REDIC1: variants seen among roughly 807,000 people sequenced by gnomAD.
The protein encoded by REDIC1 is regulator of DNA class I crossover intermediates 1, also known as HEI10 Interacting Protein 1.
At chr12:39,737,361 C>T in the REDIC1 span, among the ~76,000 whole-genome samples, 3 of 152,230 alleles carry the variant, frequency 2.0e-5, no homozygotes, top group East Asian at 1.9e-4. Flanking sequence ...CACTTCATCT[C>T]CACTTCTACT....
chr12:39,840,149 A>G, the REDIC1 span, among the ~76,000 whole-genome samples: 2 of 151,982 alleles, frequency 1.3e-5, no homozygotes, highest in African/African-American at 4.8e-5. Flanking sequence ...TTCCTGCCTC[A>G]GCTTCCTGAG....
the REDIC1 span, among the ~76,000 whole-genome samples, chr12:39,681,019 C>T: frequency 0.73 from 110,538 of 151,950 alleles, 41,886 homozygotes; most frequent in Non-Finnish European, 0.84. Context: ...CACCTATAAT[C>T]CCAGCACTTT....
chr12:39,840,194 G>T, the REDIC1 span, among the ~76,000 whole-genome samples: 1 of 151,926 alleles, frequency 6.6e-6, no homozygotes. Flanking sequence ...ACCATGCCTG[G>T]CTAATTTTTG....
chr12:39,892,093 C>G, the REDIC1 span, among the ~76,000 whole-genome samples: 15 of 152,206 alleles, frequency 9.9e-5, no homozygotes, highest in African/African-American at 3.6e-4. Flanking sequence ...TACCAAAAAG[C>G]ATTCATTCTA....
At chr12:39,843,430 G>A in the REDIC1 span, among the ~76,000 whole-genome samples, 1 of 151,946 alleles carries the variant, frequency 6.6e-6, no homozygotes, top group Non-Finnish European at 1.5e-5. Context: ...ATGGCCTTTT[G>A]CAGAAAGAAT....
chr12:39,728,205 A>G, the REDIC1 span, among the ~76,000 whole-genome samples: 1 of 152,188 alleles, frequency 6.6e-6, no homozygotes, highest in South Asian at 2.1e-4. Flanking sequence ...GAGAGAGGGC[A>G]TCGTTGTCTT....
the REDIC1 span, among the ~76,000 whole-genome samples, chr12:39,630,336 TAGGG>T: frequency 1.1e-4 from 17 of 152,198 alleles, 1 homozygote; most frequent in Admixed American, 1.1e-3. Context: ...TTTTTTAAAT[TAGGG>T]AGGTTTATTT....
At chr12:39,715,347 C>A in the REDIC1 span, among the ~76,000 whole-genome samples, 1 of 151,772 alleles carries the variant, frequency 6.6e-6, no homozygotes, top group Admixed American at 6.6e-5. Flanking sequence ...GTTTCGTTTC[C>A]TTCGTTGAAG....
At chr12:39,760,854 G>A in the REDIC1 span, among the ~76,000 whole-genome samples, 1 of 150,404 alleles carries the variant, frequency 6.6e-6, no homozygotes, top group African/African-American at 2.5e-5. Context: ...ATATATGAAT[G>A]TATGACTTGT....
chr12:39,739,480 A>G, the REDIC1 span, among the ~76,000 whole-genome samples: 4 of 152,298 alleles, frequency 2.6e-5, no homozygotes, highest in East Asian at 7.7e-4. Flanking sequence ...TTCAAAACTC[A>G]TGGTCTAATA....
At chr12:39,900,016 G>C in the REDIC1 span, among the ~76,000 whole-genome samples, 2 of 151,960 alleles carry the variant, frequency 1.3e-5, no homozygotes. Flanking sequence ...TTCATCCCTG[G>C]GATGCAAGGC....
the REDIC1 span, among the ~76,000 whole-genome samples, chr12:39,826,155 A>C: frequency 6.6e-6 from 1 of 152,128 alleles, no homozygotes; most frequent in Admixed American, 6.5e-5. Flanking sequence ...AATTTTCAGA[A>C]GTGTTCCATG....
At chr12:39,800,123 A>G in the REDIC1 span, among the ~76,000 whole-genome samples, 1 of 152,322 alleles carries the variant, frequency 6.6e-6, no homozygotes, top group East Asian at 1.9e-4. Context: ...GGGCAACTCT[A>G]AAACTGCCAT....
At chr12:39,690,492 A>G in the REDIC1 span, among the ~76,000 whole-genome samples, 4 of 152,224 alleles carry the variant, frequency 2.6e-5, no homozygotes, top group African/African-American at 7.2e-5. Context: ...TAGCAATTCT[A>G]TATACAGTGT....
the REDIC1 span, among the ~76,000 whole-genome samples, chr12:39,841,303 G>A: frequency 2.6e-5 from 4 of 152,064 alleles, no homozygotes; most frequent in African/African-American, 4.8e-5. Context: ...ATTTTAGGCC[G>A]GAATTTCTAG....
At chr12:39,790,213 TTTC>T in the REDIC1 span, among the ~76,000 whole-genome samples, 245 of 54,252 alleles carry the variant, frequency 4.5e-3, no homozygotes, top group African/African-American at 0.018. Context: ...GTGTTTTTTT[TTTC>T]TTCTTCTTCT....
chr12:39,797,740 A>ACATACGTACG, the REDIC1 span, among the ~76,000 whole-genome samples: 2 of 131,476 alleles, frequency 1.5e-5, no homozygotes, highest in African/African-American at 5.9e-5. Flanking sequence ...ACACACACAC[A>ACATACGTACG]CACACACACA....
At chr12:39,778,112 C>T in the REDIC1 span, among the ~76,000 whole-genome samples, 3 of 152,086 alleles carry the variant, frequency 2.0e-5, no homozygotes, top group Non-Finnish European at 2.9e-5. Context: ...AGCAGCAGGG[C>T]GGTGAAGAAG....
chr12:39,690,908 A>G, the REDIC1 span, among the ~76,000 whole-genome samples: 1 of 152,070 alleles, frequency 6.6e-6, no homozygotes, highest in Non-Finnish European at 1.5e-5. Flanking sequence ...TGAAGTAGGT[A>G]TTGGAGTGCA....
Sources: allele counts gnomAD v4.1 joint callset (sites outside exome capture counted in the v4.1 genomes callset), GRCh38; gene constraint gnomAD v4.1.1; transcripts MANE v1.5; gene names NCBI Gene and HGNC (gene_info 2026-07-23, HGNC 2026-07-21).